Variants in RYR2 observed in about 807,000 individuals in gnomAD.
RYR2 encodes cardiac muscle ryanodine receptor-calcium release channel.
RYR2 carries 227 observed loss-of-function variants against 601.1 expected under a neutral mutation model. The observed-to-expected ratio is 0.38, with a 90% confidence interval of 0.34 to 0.42. The LOEUF is 0.42. Ranked by LOEUF, RYR2 falls within the 10% of genes least tolerant of loss-of-function variation. The pLI, the probability that RYR2 is intolerant of heterozygous loss-of-function variation, is 1.00. For missense variants in RYR2, 4,646 were observed against 6,156.5 expected (o/e 0.75, Z 8.21); for synonymous variants, 2,223 against 2,175.1 (o/e 1.02, Z -0.61).
At chr1:237,786,115 G>T (rs890792003) in intron 91 of RYR2, 79 bp downstream of exon 91, 11 of 879,212 alleles carry the variant, frequency 1.3e-5, no homozygotes, top group Non-Finnish European at 1.6e-5. Context: ...GTCTTTGGGA[G>T]CTGCAAGGGA....
chr1:237,262,894 A>G (rs1191405790), intron 1 of RYR2, among the ~76,000 whole-genome samples: 1 of 152,118 alleles, frequency 6.6e-6, no homozygotes, highest in Non-Finnish European at 1.5e-5. Context: ...ACTTGGCATG[A>G]TGTGAGAGAT....
chr1:237,560,998 T>C (rs1671392614), intron 27 of RYR2, among the ~76,000 whole-genome samples: 1 of 152,010 alleles, frequency 6.6e-6, no homozygotes, highest in Admixed American at 6.6e-5. Flanking sequence ...TGGACAGTAA[T>C]TGGGGTTAAG....
chr1:237,607,016 C>T (rs1457765803), intron 35 of RYR2, among the ~76,000 whole-genome samples: 4 of 152,150 alleles, frequency 2.6e-5, no homozygotes, highest in Non-Finnish European at 5.9e-5. Flanking sequence ...GACAGTGTGG[C>T]GATTCCTCAA....
chr1:237,354,121 A>T (rs999613253), intron 3 of RYR2, among the ~76,000 whole-genome samples: 2 of 152,196 alleles, frequency 1.3e-5, no homozygotes, highest in African/African-American at 4.8e-5. Context: ...TGTCTAGCTG[A>T]TAATTCACTC....
At chr1:237,606,366 T>C (rs1353077385) in intron 35 of RYR2, among the ~76,000 whole-genome samples, 5 of 152,192 alleles carry the variant, frequency 3.3e-5, no homozygotes, top group Non-Finnish European at 4.4e-5. Flanking sequence ...GCTAGCCATA[T>C]GTAGAAAGCT....
intron 1 of RYR2, among the ~76,000 whole-genome samples, chr1:237,198,624 T>C (rs1680832467): frequency 6.6e-6 from 1 of 152,256 alleles, no homozygotes; most frequent in Admixed American, 6.5e-5. Context: ...TGGGGAATTA[T>C]TTATTCCTGG....
At chr1:237,739,347 C>G (rs1030855578) in intron 79 of RYR2, among the ~76,000 whole-genome samples, 6 of 152,172 alleles carry the variant, frequency 3.9e-5, no homozygotes, top group African/African-American at 1.2e-4. Context: ...TGTTGCCACC[C>G]CTTTTTGTCT....
In RYR2 at chr1:237,180,644, ATG is replaced by A. The variant is rs1425272517; in HGVS notation, c.49-89851_49-89850del. On this transcript the variant is annotated intron_variant, in intron 1 of 104. Coordinates refer to ENST00000366574, the MANE Select transcript of RYR2 (RefSeq NM_001035.3). This position sits in a 1 kb window ranked among gnomAD's most constrained non-coding sequence, Gnocchi z 5.3. Reference sequence around the variant, plus strand: ...TATATGTATATGTGTATATATGTATATGTATATGTGTATATATGTATACATGT... The same window carrying A: ...TATATGTATATGTGTATATATGTATATATATGTGTATATATGTATACATGT... Among the ~76,000 whole-genome samples the A allele has an allele frequency of 8.7e-6, 1 of 115,098 alleles. No homozygotes were observed. The allele number at this position is 115,098 out of a possible 152,430, so 75.5% of individuals were successfully genotyped here.
At chr1:237,464,694 T>C (rs1211737165) in intron 16 of RYR2, among the ~76,000 whole-genome samples, 1 of 152,312 alleles carries the variant, frequency 6.6e-6, no homozygotes, top group East Asian at 1.9e-4. Flanking sequence ...ATGCTATACA[T>C]GTACTTATAT....
intron 1 of RYR2, among the ~76,000 whole-genome samples, chr1:237,097,485 G>C (rs1310950470): frequency 1.3e-5 from 2 of 152,178 alleles, no homozygotes; most frequent in Non-Finnish European, 2.9e-5. Context: ...AAGAGAGAAT[G>C]CTGCTCTGTA....
At chr1:237,523,013 A>C (rs1207244511) in intron 24 of RYR2, among the ~76,000 whole-genome samples, 1 of 152,196 alleles carries the variant, frequency 6.6e-6, no homozygotes, top group Non-Finnish European at 1.5e-5. Flanking sequence ...TGAGTTAAAC[A>C]ATGTTAAATC....
intron 1 of RYR2, among the ~76,000 whole-genome samples, chr1:237,253,097 G>A (rs1479908029): frequency 2.0e-5 from 3 of 151,074 alleles, no homozygotes; most frequent in African/African-American, 7.3e-5. Flanking sequence ...CCCGGAGAGG[G>A]AGATTGCAGG....
chr1:237,787,369 C>CAT (rs1430894003), intron 91 of RYR2, among the ~76,000 whole-genome samples: 1 of 151,826 alleles, frequency 6.6e-6, no homozygotes, highest in East Asian at 1.9e-4. Flanking sequence ...GCGGGCGGAT[C>CAT]ATAAGGTCAG....
intron 10 of RYR2, among the ~76,000 whole-genome samples, chr1:237,395,842 A>G (rs1369911615): frequency 1.3e-5 from 2 of 152,066 alleles, no homozygotes; most frequent in Non-Finnish European, 1.5e-5. Flanking sequence ...CACCACGCCC[A>G]GCCAGGACTA....
chr1:237,044,972 A>G (rs1395727667), intron 1 of RYR2, among the ~76,000 whole-genome samples: 1 of 120,732 alleles, frequency 8.3e-6, no homozygotes, highest in Non-Finnish European at 1.9e-5. Flanking sequence ...TTTTTTTTTT[A>G]AAGCAAATAG....
intron 98 of RYR2, among the ~76,000 whole-genome samples, chr1:237,803,603 C>CAT (rs1222040172): frequency 6.6e-6 from 1 of 152,112 alleles, no homozygotes; most frequent in African/African-American, 2.4e-5. Context: ...CCCAGTCTTG[C>CAT]ATTTCTTAAT....
At chr1:237,811,234 G>A (rs1401390356) in intron 100 of RYR2, among the ~76,000 whole-genome samples, 2 of 152,176 alleles carry the variant, frequency 1.3e-5, no homozygotes, top group African/African-American at 2.4e-5. Flanking sequence ...CATACAGGTG[G>A]CTGACCTGAG....
intron 1 of RYR2, among the ~76,000 whole-genome samples, chr1:237,113,475 C>T (rs1425146516): frequency 2.0e-5 from 3 of 152,102 alleles, no homozygotes; most frequent in East Asian, 3.9e-4. Flanking sequence ...ACTGAGATTA[C>T]AGGCATGAGC....
intron 27 of RYR2, among the ~76,000 whole-genome samples, chr1:237,554,191 A>G (rs1040488916): frequency 6.6e-6 from 1 of 151,760 alleles, no homozygotes; most frequent in African/African-American, 2.4e-5. Flanking sequence ...TTTGTGGGTG[A>G]TTTTATCATA....
Sources: gnomAD v4.1 joint callset for allele counts (sites outside exome capture counted in the v4.1 genomes callset) on GRCh38, gnomAD v4.1.1 for gene constraint, Gnocchi (gnomAD v3.1) non-coding constraint, MANE v1.5 for transcripts, NCBI Gene and HGNC (gene_info 2026-07-23, HGNC 2026-07-21) for gene names.